The following IL1RAPL2 variants were observed in gnomAD, a reference collection of about 807,000 sequenced individuals.
IL1RAPL2 encodes the protein X-linked interleukin-1 receptor accessory protein-like 2.
Under a neutral mutation model 44.1 loss-of-function variants are expected in IL1RAPL2, and 3 were observed. The ratio of observed to expected loss-of-function variants is 0.07; its 90% CI spans 0.03 to 0.18. The LOEUF (loss-of-function observed/expected upper bound fraction) is 0.18, where lower values mean the gene tolerates loss of function less well. Ranked by LOEUF, IL1RAPL2 falls within the 10% of genes least tolerant of loss-of-function variation. The pLI, the probability that IL1RAPL2 is intolerant of heterozygous loss-of-function variation, is 1.00. For synonymous variants in IL1RAPL2, 181 were observed against 178.8 expected (o/e 1.01, Z -0.10); for missense variants, 391 against 496.4 (o/e 0.79, Z 2.02).
At chrX:104,787,108 C>T (rs377462641) in intron 2 of IL1RAPL2, among the ~76,000 whole-genome samples, 1 of 110,838 alleles carries the variant, frequency 9.0e-6, no homozygotes, top group African/African-American at 3.3e-5. Flanking sequence ...TGCCAGGCAA[C>T]GTTTTCAGCA....
Position 105,367,270 on chromosome X carries a change from T to G in IL1RAPL2, c.697+99729T>G, listed in dbSNP as rs147254257. On this transcript the variant is annotated intron_variant, in intron 5 of 10. Transcript: ENST00000372582. ...GCAGCATGTAGTTAGTTCTTGTTTT[T>G]TATATCCATTCAGTCACATAGTGTC... Among the ~76,000 whole-genome samples the G allele has an allele frequency of 1.9e-3, 217 of 111,885 alleles. 3 individuals carry two copies. Among genetic ancestry groups the G allele is most frequent in the African/African-American group, 6.6e-3 (205 of 30,856 alleles).
chrX:105,640,787 TAGATATAGATAG>T (rs1321744153), intron 6 of IL1RAPL2, among the ~76,000 whole-genome samples: 2 of 71,273 alleles, frequency 2.8e-5, no homozygotes, highest in African/African-American at 1.1e-4. Context: ...GATATAGATA[TAGATATAGATAG>T]AGAGAGAGAC....
intron 2 of IL1RAPL2, among the ~76,000 whole-genome samples, chrX:104,747,344 C>A (rs1199136342): frequency 1.8e-5 from 2 of 111,320 alleles, no homozygotes; most frequent in Non-Finnish European, 3.8e-5. Flanking sequence ...CTCCTCCCTT[C>A]CCTTGCTTGC....
At chrX:104,995,865 A>G (rs2030738939) in intron 2 of IL1RAPL2, among the ~76,000 whole-genome samples, 1 of 111,631 alleles carries the variant, frequency 9.0e-6, no homozygotes, top group African/African-American at 3.3e-5. Context: ...CCATTTCTCT[A>G]GCAACCTGCA....
chrX:105,378,810 G>A (rs978298066), intron 5 of IL1RAPL2, among the ~76,000 whole-genome samples: 5 of 111,744 alleles, frequency 4.5e-5, no homozygotes, highest in African/African-American at 1.6e-4. Context: ...AGTAAAAAAT[G>A]CATCAGCTTT....
intron 6 of IL1RAPL2, among the ~76,000 whole-genome samples, chrX:105,574,773 C>T (rs187048267): frequency 1.2e-4 from 13 of 111,058 alleles, no homozygotes; most frequent in Non-Finnish European, 1.9e-4. Flanking sequence ...AATAGTGTTA[C>T]GTAGACTTGG....
At chrX:105,194,580 T>TA (rs781932072) in intron 2 of IL1RAPL2, among the ~76,000 whole-genome samples, 21 of 111,884 alleles carry the variant, frequency 1.9e-4, no homozygotes, top group Non-Finnish European at 3.4e-4. Flanking sequence ...TACCTAATAT[T>TA]ATTTGATTAC....
In IL1RAPL2 at chrX:104,946,165, G is replaced by T. The variant is rs1393126075; in HGVS notation, c.83-249310G>T. Among the ~76,000 whole-genome samples, 4 of 104,007 alleles carry T rather than the reference G, an allele frequency of 3.8e-5. No homozygotes were observed. In the Admixed American group the frequency reaches 4.2e-4, roughly 11 times the overall value. The allele number at this position is 104,007 out of a possible 115,157, so 90.3% of individuals were successfully genotyped here. On this transcript the variant is annotated intron_variant, in intron 2 of 10. Coordinates refer to ENST00000372582, the MANE Select transcript of IL1RAPL2 (RefSeq NM_017416.2). ...AGGCGGGTGGATCATGAGGTCAGGA[G>T]ATCGAGACCATCCTGGCTAACAAGG...
chrX:105,030,200 G>C (rs1461889862), intron 2 of IL1RAPL2, among the ~76,000 whole-genome samples: 3 of 111,501 alleles, frequency 2.7e-5, no homozygotes, highest in Non-Finnish European at 5.7e-5. Context: ...TAAGTTGCCT[G>C]TTCACTCTGA....
At chrX:104,981,055 T>TTGTGTGTGTGTGTGTGTGTG (rs199571900) in intron 2 of IL1RAPL2, among the ~76,000 whole-genome samples, 1 of 97,401 alleles carries the variant, frequency 1.0e-5, no homozygotes, top group African/African-American at 3.9e-5. Context: ...TTCCAAGGTA[T>TTGTGTGTGTGTGTGTGTGTG]TGTGTGTGTG....
At chrX:104,809,044 G>A (rs1932947168) in intron 2 of IL1RAPL2, among the ~76,000 whole-genome samples, 1 of 111,963 alleles carries the variant, frequency 8.9e-6, no homozygotes, top group Admixed American at 9.5e-5. Context: ...CACAGTTCCT[G>A]AGAGGTGATG....
At chrX:105,505,429 C>T (rs1156559213) in intron 6 of IL1RAPL2, among the ~76,000 whole-genome samples, 1 of 111,397 alleles carries the variant, frequency 9.0e-6, no homozygotes, top group African/African-American at 3.3e-5. Flanking sequence ...ACATCTATTA[C>T]ATTGTGGATG....
intron 6 of IL1RAPL2, among the ~76,000 whole-genome samples, chrX:105,571,549 G>A (rs1485562994): frequency 9.0e-6 from 1 of 110,738 alleles, no homozygotes; most frequent in Non-Finnish European, 1.9e-5. Context: ...TCTTCTTGTG[G>A]CTCCACTGTC....
intron 6 of IL1RAPL2, 141 bp downstream of exon 6, chrX:105,484,528 G>T: frequency 2.1e-6 from 1 of 477,584 alleles, no homozygotes; most frequent in Non-Finnish European, 3.8e-6. Flanking sequence ...TAACCCTGGA[G>T]TTCAGTGCGA....
At chrX:105,605,285 C>G (rs2037285168) in intron 6 of IL1RAPL2, among the ~76,000 whole-genome samples, 1 of 110,983 alleles carries the variant, frequency 9.0e-6, no homozygotes, top group African/African-American at 3.3e-5. Context: ...TTACAAAAAT[C>G]AATATCATTT....
rs1352051069 is a variant in IL1RAPL2 at position 105,307,588 on chromosome X, TTC to T, written c.697+40049_697+40050del. ...ATATATATTATATATAATATATATT[TTC>T]TATTATATATATTATATATAATATA... On this transcript the variant is annotated intron_variant, in intron 5 of 10. Coordinates refer to ENST00000372582, the MANE Select transcript of IL1RAPL2 (RefSeq NM_017416.2). Among the ~76,000 whole-genome samples, 418 of 47,761 alleles carry T rather than the reference TTC, an allele frequency of 8.8e-3. 94 individuals are homozygous for T. The highest frequency in any genetic ancestry group is 0.051 in the African/African-American group (399 of 7,772). 41.5% of individuals were successfully genotyped at this position (47,761 alleles called of 115,157 possible). A position where few individuals can be genotyped will look rare whatever the true frequency, so the allele number is the denominator to read the frequency against.
chrX:104,975,913 G>A (rs994760444), intron 2 of IL1RAPL2, among the ~76,000 whole-genome samples: 1 of 111,266 alleles, frequency 9.0e-6, no homozygotes, highest in Non-Finnish European at 1.9e-5. Flanking sequence ...ACTCCAGGGA[G>A]GGCATAGGCT....
At chrX:104,713,599 G>GTATA (rs59705641) in intron 2 of IL1RAPL2, among the ~76,000 whole-genome samples, 14 of 107,915 alleles carry the variant, frequency 1.3e-4, no homozygotes, top group African/African-American at 4.3e-4. Flanking sequence ...CTTTTTATGT[G>GTATA]TATATATATA....
intron 6 of IL1RAPL2, among the ~76,000 whole-genome samples, chrX:105,558,217 C>G (rs1287647929): frequency 9.0e-6 from 1 of 111,265 alleles, no homozygotes; most frequent in Non-Finnish European, 1.9e-5. Flanking sequence ...TTTTGTGTCT[C>G]AAAATCTTTT....
Sources: allele counts gnomAD v4.1 joint callset (sites outside exome capture counted in the v4.1 genomes callset), GRCh38; gene constraint gnomAD v4.1.1; transcripts MANE v1.5; gene names NCBI Gene and HGNC (gene_info 2026-07-23, HGNC 2026-07-21).